Variants in GPC5 observed in about 807,000 individuals in gnomAD.
GPC5 encodes glypican 5, also known as glypican-5.
Under a neutral mutation model 53.9 loss-of-function variants are expected in GPC5, and 47 were observed. The observed-to-expected ratio is 0.87, with a 90% confidence interval of 0.69 to 1.11. The LOEUF (loss-of-function observed/expected upper bound fraction) is 1.11. Among genes scored for constraint, GPC5 ranks in the 50% most tolerant of loss-of-function variants. The probability of loss-of-function intolerance (pLI) is 0.00; values close to 1 mark genes in which losing one functional copy is unlikely to be tolerated. For missense variants in GPC5, 748 were observed against 713.1 expected (o/e 1.05, Z -0.56); for synonymous variants, 286 against 263.3 (o/e 1.09, Z -0.84).
chr13:91,947,288 AT>A (rs1298455052), intron 6 of GPC5, among the ~76,000 whole-genome samples: 4 of 152,174 alleles, frequency 2.6e-5, no homozygotes, highest in East Asian at 1.9e-4. Context: ...GTAAAAAAAA[AT>A]ATAAAGAAAA....
intron 7 of GPC5, among the ~76,000 whole-genome samples, chr13:92,700,020 C>G (rs767922240): frequency 2.1e-4 from 32 of 152,098 alleles, no homozygotes; most frequent in Non-Finnish European, 4.4e-4. Flanking sequence ...CTAATATTGA[C>G]AGTGGTGTCT....
At chr13:92,405,182 C>T (rs1040857010) in intron 7 of GPC5, among the ~76,000 whole-genome samples, 4 of 152,198 alleles carry the variant, frequency 2.6e-5, no homozygotes, top group African/African-American at 9.7e-5. Flanking sequence ...GTCCCAGCAG[C>T]TGAGAACACA....
chr13:91,895,205 A>T (rs2039428909), intron 5 of GPC5, among the ~76,000 whole-genome samples: 1 of 152,170 alleles, frequency 6.6e-6, no homozygotes, highest in South Asian at 2.1e-4. Context: ...TTCCTTCTGG[A>T]AGTGATCTGG....
intron 7 of GPC5, among the ~76,000 whole-genome samples, chr13:92,565,471 T>G (rs1882833851): frequency 6.6e-6 from 1 of 152,080 alleles, no homozygotes; most frequent in African/African-American, 2.4e-5. Flanking sequence ...TCCCCTTGGA[T>G]GACGTTGTCT....
chr13:91,880,872 C>A (rs2039256757), intron 5 of GPC5, among the ~76,000 whole-genome samples: 1 of 152,044 alleles, frequency 6.6e-6, no homozygotes, highest in African/African-American at 2.4e-5. Context: ...CTCACTGCAA[C>A]CTCCGCCTCC....
At chr13:92,351,206 A>G (rs560472520) in intron 7 of GPC5, among the ~76,000 whole-genome samples, 1 of 151,936 alleles carries the variant, frequency 6.6e-6, no homozygotes, top group Non-Finnish European at 1.5e-5. Context: ...ATCATCAGGA[A>G]AAGACAAAAA....
chr13:91,431,128 C>T (rs1055741777), intron 1 of GPC5, among the ~76,000 whole-genome samples: 2 of 152,178 alleles, frequency 1.3e-5, no homozygotes, highest in Non-Finnish European at 1.5e-5. Context: ...ATCCTCTTGC[C>T]TAGGCCTCCC....
intron 7 of GPC5, among the ~76,000 whole-genome samples, chr13:92,569,414 G>A (rs1882956614): frequency 1.3e-5 from 2 of 151,908 alleles, no homozygotes; most frequent in Non-Finnish European, 2.9e-5. Context: ...TGTGTTGTAT[G>A]TTACATTATT....
intron 6 of GPC5, among the ~76,000 whole-genome samples, chr13:92,118,632 A>C (rs1042435066): frequency 1.6e-4 from 24 of 152,070 alleles, no homozygotes; most frequent in African/African-American, 5.8e-4. Context: ...GAAATTTTGC[A>C]CACCATGGGT....
chr13:92,662,127 C>A (rs963574992), intron 7 of GPC5, among the ~76,000 whole-genome samples: 5 of 152,194 alleles, frequency 3.3e-5, no homozygotes, highest in Non-Finnish European at 7.3e-5. Flanking sequence ...ACTTTTAACA[C>A]TAGCTCTGCC....
intron 6 of GPC5, among the ~76,000 whole-genome samples, chr13:91,921,471 A>G (rs1282738851): frequency 6.6e-6 from 1 of 152,226 alleles, no homozygotes; most frequent in Non-Finnish European, 1.5e-5. Flanking sequence ...CACTTGAGAA[A>G]AAATGAAATA....
intron 7 of GPC5, among the ~76,000 whole-genome samples, chr13:92,535,958 CTGTT>C (rs921282981): frequency 5.3e-5 from 8 of 152,038 alleles, no homozygotes; most frequent in Non-Finnish European, 8.8e-5. Context: ...ACATGAAAAA[CTGTT>C]TGCAAAAATT....
intron 2 of GPC5, among the ~76,000 whole-genome samples, chr13:91,621,003 C>T (rs2033839184): frequency 6.6e-6 from 1 of 152,074 alleles, no homozygotes; most frequent in Non-Finnish European, 1.5e-5. Context: ...AGGATTAATG[C>T]AGCAGAGATG....
At chr13:92,466,949 T>C (rs1878714394) in intron 7 of GPC5, among the ~76,000 whole-genome samples, 1 of 152,142 alleles carries the variant, frequency 6.6e-6, no homozygotes. Context: ...GTACTGAATA[T>C]GAGGTGCTAA....
intron 7 of GPC5, among the ~76,000 whole-genome samples, chr13:92,174,439 G>A (rs1209716875): frequency 3.3e-5 from 5 of 151,750 alleles, no homozygotes; most frequent in Non-Finnish European, 7.4e-5. Context: ...GGAGGCTGAG[G>A]CAGGAGAACC....
rs551572777 is a variant in GPC5 at position 92,303,084 on chromosome 13, A to G, written c.1561+158095A>G. ...TCTCTTATTCTCCTCTAACATTTTC[A>G]TTGTTTTTTTCCCCCCTATGGTTCT... On this transcript the variant is annotated intron_variant, in intron 7 of 7. Transcript: ENST00000377067. 1.5e-4 allele frequency among the ~76,000 whole-genome samples: 23 copies of G among 151,980 alleles called. No individual in the cohort carries two copies. In the South Asian group the frequency reaches 1.7e-3, roughly 11 times the overall value.
chr13:91,869,604 CT>C (rs1393199470), intron 5 of GPC5, among the ~76,000 whole-genome samples: 7 of 152,084 alleles, frequency 4.6e-5, no homozygotes, highest in African/African-American at 7.2e-5. Context: ...TCTATGGCCT[CT>C]TTATCTAAAC....
At chr13:91,529,975 T>C (rs535878341) in intron 2 of GPC5, among the ~76,000 whole-genome samples, 1 of 152,262 alleles carries the variant, frequency 6.6e-6, no homozygotes, top group East Asian at 1.9e-4. Context: ...TTAGGGTCCT[T>C]AGTAGTGACA....
chr13:92,166,157 A>G (rs2042025834), intron 7 of GPC5, among the ~76,000 whole-genome samples: 1 of 152,256 alleles, frequency 6.6e-6, no homozygotes, highest in Non-Finnish European at 1.5e-5. Context: ...GTAATTTAAG[A>G]ACATTAATGT....
Sources: gnomAD v4.1 joint callset for allele counts (sites outside exome capture counted in the v4.1 genomes callset) on GRCh38, gnomAD v4.1.1 for gene constraint, MANE v1.5 for transcripts, NCBI Gene and HGNC (gene_info 2026-07-23, HGNC 2026-07-21) for gene names.